The following CACNA1A variants were observed in gnomAD, a reference collection of about 807,000 sequenced individuals.
The protein encoded by CACNA1A is voltage-dependent P/Q-type calcium channel subunit alpha-1A.
In CACNA1A, 57 loss-of-function variants were observed where a neutral mutation model predicts 262.4. That is an observed-to-expected ratio of 0.22 (90% CI 0.18 to 0.27). The LOEUF (loss-of-function observed/expected upper bound fraction) is 0.27, where lower values mean the gene tolerates loss of function less well. Among genes scored for constraint, CACNA1A ranks in the 10% least tolerant of loss-of-function variants. CACNA1A has a pLI of 1.00. For missense variants in CACNA1A, 2,526 were observed against 3,562.8 expected, an observed-to-expected ratio of 0.71 and a Z score of 7.41; for synonymous variants, 1,431 against 1,419.3, an observed-to-expected ratio of 1.01 and a Z score of -0.18.
At chr19:13,342,899 G>T (rs2058699564) in intron 6 of CACNA1A, among the ~76,000 whole-genome samples, 2 of 152,108 alleles carry the variant, frequency 1.3e-5, no homozygotes, top group Non-Finnish European at 2.9e-5. Context: ...TAACTTGGCT[G>T]CCCTGACCAA....
intron 35 of CACNA1A, among the ~76,000 whole-genome samples, chr19:13,231,177 AT>A (rs71168692): frequency 2.5e-3 from 353 of 139,082 alleles, no homozygotes; most frequent in African/African-American, 3.8e-3. Context: ...AGCTAATTCA[AT>A]TTTTTTTTTT....
intron 9 of CACNA1A, among the ~76,000 whole-genome samples, 173 bp downstream of exon 9, chr19:13,332,696 A>T (rs1382912725): frequency 6.6e-6 from 1 of 151,966 alleles, no homozygotes. Context: ...TAAAACAAAA[A>T]AGTGGAGGCC....
intron 3 of CACNA1A, among the ~76,000 whole-genome samples, chr19:13,413,903 G>GAAAAGAAAAGAAAAGAAAAGA (rs201393796): frequency 7.6e-4 from 45 of 59,302 alleles, no homozygotes; most frequent in East Asian, 5.9e-3. Flanking sequence ...GAAAAAGAAA[G>GAAAAGAAAAGAAAAGAAAAGA]AAAGAAAGAA....
intron 46 of CACNA1A, 85 bp downstream of exon 46, chr19:13,208,671 G>T (rs2054672530): frequency 3.5e-6 from 5 of 1,431,028 alleles, no homozygotes; most frequent in Non-Finnish European, 4.6e-6. Flanking sequence ...CCTTTGCCTA[G>T]AGTGGCTGTT....
At chr19:13,210,292 G>A (rs563355120) in intron 44 of CACNA1A, among the ~76,000 whole-genome samples, 1 of 152,336 alleles carries the variant, frequency 6.6e-6, no homozygotes, top group East Asian at 1.9e-4. Flanking sequence ...GGGGTTGGTG[G>A]TGGTGTCAGG....
At chr19:13,227,573 C>T (rs1239724269) in intron 36 of CACNA1A, 46 bp from the exon 37 acceptor site, 6 of 1,156,728 alleles carry the variant, frequency 5.2e-6, no homozygotes, top group Non-Finnish European at 7.4e-6. Flanking sequence ...AACAAAAAAA[C>T]AAAACGGGAA....
chr19:13,499,811 G>A (rs952071997), intron 1 of CACNA1A, among the ~76,000 whole-genome samples: 1 of 152,004 alleles, frequency 6.6e-6, no homozygotes. Context: ...CATCCCATCC[G>A]GCCCTTTTCT....
chr19:13,453,778 G>C (rs1230829769), intron 2 of CACNA1A, among the ~76,000 whole-genome samples: 1 of 152,046 alleles, frequency 6.6e-6, no homozygotes, highest in South Asian at 2.1e-4. Flanking sequence ...AACGTTTCTC[G>C]AGCTACAATC....
chr19:13,306,282 C>T (rs1003661884), intron 15 of CACNA1A, among the ~76,000 whole-genome samples: 8 of 152,286 alleles, frequency 5.3e-5, no homozygotes, highest in African/African-American at 1.7e-4. Flanking sequence ...TCAGGGAATG[C>T]GCCCACATGG....
rs764816582 is a variant in CACNA1A at position 13,300,573 on chromosome 19, G to A, written c.2256C>T (p.Ser752=). 28 of 1,613,260 alleles carry A rather than the reference G, an allele frequency of 1.7e-5. No individual in the cohort carries two copies. Among genetic ancestry groups the A allele is most frequent in the Non-Finnish European group, 2.0e-5 (24 of 1,179,394 alleles). ...ACACAGCTATAGACATGTTGGCCGCGGACAGAGGACTCACTTCTGCCACCT... is the reference window on the plus strand; with the variant it reads ...ACACAGCTATAGACATGTTGGCCGCAGACAGAGGACTCACTTCTGCCACCT... ...AKEVAEVSPL[S]AANMSIAVKE... is the part of the protein sequence containing the mutation. The change falls in exon 18 of 47, where the codon TCC becomes TCT. Residue 752 remains serine, a synonymous_variant. Coordinates refer to ENST00000360228, the MANE Select transcript of CACNA1A (RefSeq NM_001127222.2).
chr19:13,224,590 C>T (rs1312615095), intron 38 of CACNA1A, 77 bp downstream of exon 38: 3 of 924,652 alleles, frequency 3.2e-6, no homozygotes, highest in Non-Finnish European at 5.2e-6. Context: ...AGCAGATCCT[C>T]TAGTTTGGGG....
intron 1 of CACNA1A, among the ~76,000 whole-genome samples, chr19:13,467,960 T>TAGGG (rs2061283567): frequency 7.3e-6 from 1 of 136,314 alleles, no homozygotes; most frequent in African/African-American, 3.2e-5. Flanking sequence ...TTTTAAAAAG[T>TAGGG]GAGATGAGTG....
At chr19:13,420,282 C>T (rs916613516) in intron 3 of CACNA1A, among the ~76,000 whole-genome samples, 2 of 151,420 alleles carry the variant, frequency 1.3e-5, no homozygotes, top group Admixed American at 6.6e-5. Flanking sequence ...GAAGGAGGCT[C>T]ACTTCATGGT....
chr19:13,360,320 C>CAGAGAAT (rs2059083715), intron 5 of CACNA1A, among the ~76,000 whole-genome samples: 1 of 145,436 alleles, frequency 6.9e-6, no homozygotes, highest in African/African-American at 2.5e-5. Flanking sequence ...AGGGAGAGAA[C>CAGAGAAT]GGGGGGAGAG....
At chr19:13,481,167 G>A (rs1979260714) in intron 1 of CACNA1A, among the ~76,000 whole-genome samples, 1 of 152,198 alleles carries the variant, frequency 6.6e-6, no homozygotes, top group African/African-American at 2.4e-5. Context: ...CATTACCATG[G>A]CTGTCCTTAT....
At chr19:13,327,992 G>A (rs748137371) in intron 10 of CACNA1A, among the ~76,000 whole-genome samples, 6 of 152,158 alleles carry the variant, frequency 3.9e-5, no homozygotes, top group Non-Finnish European at 5.9e-5. Context: ...TTGAATTCCT[G>A]GGTTCAAGAA....
chr19:13,343,116 TTTTTTTTCTTTC>T lies in CACNA1A; in HGVS notation c.979-7219_979-7208del, dbSNP rs555097647. ...TTCACCTCTTTCTGGTCTTTCTTTC[TTTTTTTTCTTTC>T]TTTTTTTTTTTGAGATGGGGTCTTG... On this transcript the variant is annotated intron_variant, in intron 6 of 46. Transcript: ENST00000360228. 3.4e-3 allele frequency among the ~76,000 whole-genome samples: 508 copies of T among 147,478 alleles called. 1 individual carries two copies. The highest frequency in any genetic ancestry group is 0.012 in the African/African-American group (483 of 38,776).
At chr19:13,359,361 T>A (rs1379023623) in intron 6 of CACNA1A, among the ~76,000 whole-genome samples, 3 of 152,164 alleles carry the variant, frequency 2.0e-5, no homozygotes, top group Non-Finnish European at 4.4e-5. Flanking sequence ...ACTTGCACAA[T>A]GAAAAATGAT....
intron 19 of CACNA1A, among the ~76,000 whole-genome samples, chr19:13,288,895 A>T (rs1009432594): frequency 1.3e-5 from 2 of 152,086 alleles, no homozygotes; most frequent in Admixed American, 1.3e-4. Context: ...ACTTGCAAAA[A>T]CCCACGGTGT....
Sources: allele counts gnomAD v4.1 joint callset (sites outside exome capture counted in the v4.1 genomes callset), GRCh38; gene constraint gnomAD v4.1.1; transcripts MANE v1.5; gene names NCBI Gene and HGNC (gene_info 2026-07-23, HGNC 2026-07-21).